The following DPY19L3 variants were observed in gnomAD, a reference collection of about 807,000 sequenced individuals.
DPY19L3 encodes the protein protein C-mannosyl-transferase DPY19L3.
DPY19L3 carries 51 observed loss-of-function variants against 92.3 expected under a neutral mutation model. The observed-to-expected ratio is 0.55, with a 90% CI of 0.44 to 0.70. DPY19L3 has a LOEUF of 0.70. DPY19L3 is among the 30% of genes least tolerant of loss of function. The pLI is 0.00. For synonymous variants in DPY19L3, 309 were observed against 315.2 expected (o/e 0.98, Z 0.21); for missense variants, 706 against 855.9 (o/e 0.82, Z 2.18).
chr19:32,438,498 ATATC>A (rs1216640162), intron 6 of DPY19L3, among the ~76,000 whole-genome samples: 1 of 152,086 alleles, frequency 6.6e-6, no homozygotes, highest in Non-Finnish European at 1.5e-5. Context: ...TGTTTCATAT[ATATC>A]TCTATCTTTT....
chr19:32,439,862 A>G lies in DPY19L3; in HGVS notation c.807A>G (p.Ala269=), dbSNP rs1159520652. 1.9e-6 allele frequency: 3 copies of G among 1,613,880 alleles called. No homozygotes were observed. The highest frequency in any genetic ancestry group is 2.7e-5 in the African/African-American group (2 of 74,932). Residue 269 remains alanine, a synonymous_variant, in exon 8 of 19, where the codon GCA becomes GCG. Coordinates refer to ENST00000392250, the MANE Select transcript of DPY19L3 (RefSeq NM_001172774.2). ...ATCAATTTATGATGCTGATGCAAGCATTAGTGCTGTTCACACTGGACTCCC... is the reference window on the plus strand; with the variant it reads ...ATCAATTTATGATGCTGATGCAAGCGTTAGTGCTGTTCACACTGGACTCCC... The part of the protein sequence containing the change: ...QFNQFMMLMQ[A]LVLFTLDSLD...
intron 8 of DPY19L3, among the ~76,000 whole-genome samples, chr19:32,448,077 A>T (rs1330961277): frequency 1.3e-5 from 2 of 152,164 alleles, no homozygotes; most frequent in Non-Finnish European, 2.9e-5. Flanking sequence ...GTGTAACGAA[A>T]CCGTACTTAT....
At chr19:32,461,102 G>A (rs1470691380) in intron 12 of DPY19L3, among the ~76,000 whole-genome samples, 1 of 152,220 alleles carries the variant, frequency 6.6e-6, no homozygotes, top group Non-Finnish European at 1.5e-5. Flanking sequence ...CTGACCTCAA[G>A]TGATCTGCCT....
intron 16 of DPY19L3, among the ~76,000 whole-genome samples, chr19:32,470,241 C>T (rs79462075): frequency 6.6e-6 from 1 of 152,118 alleles, no homozygotes. Context: ...GTAAATAATT[C>T]CTTCAGTATT....
intron 3 of DPY19L3, among the ~76,000 whole-genome samples, chr19:32,414,484 C>T (rs567038126): frequency 3.3e-5 from 5 of 150,706 alleles, no homozygotes; most frequent in African/African-American, 1.2e-4. Flanking sequence ...TTTCCAGCTA[C>T]TCAGGAGGCT....
chr19:32,435,970 A>G (rs1969124806), intron 4 of DPY19L3, among the ~76,000 whole-genome samples: 1 of 152,264 alleles, frequency 6.6e-6, no homozygotes, highest in African/African-American at 2.4e-5. Flanking sequence ...GGGCAAGAGC[A>G]AGAGCTGGTA....
intron 1 of DPY19L3, chr19:32,406,442 C>G (rs1967952283): frequency 2.6e-5 from 4 of 152,318 alleles, no homozygotes; most frequent in Admixed American, 6.5e-5. Flanking sequence ...TCACTGCAAC[C>G]TCGAACTCTT....
chr19:32,429,889 G>A (rs567921170), intron 3 of DPY19L3, among the ~76,000 whole-genome samples: 1 of 152,282 alleles, frequency 6.6e-6, no homozygotes, highest in East Asian at 1.9e-4. Context: ...GGACATTCTA[G>A]AAACGAGTGA....
chr19:32,482,393 T>C lies in DPY19L3; in HGVS notation c.*153T>C. On this transcript the variant is annotated 3_prime_UTR_variant, in exon 19 of 19. Coordinates refer to ENST00000392250, the MANE Select transcript of DPY19L3 (RefSeq NM_001172774.2). The stretch of plus-strand genomic sequence containing the variant: ...GATGTTTACACAAGTGTTGCCATCT[T>C]TGAAAGCATCTTCTACAAGCAGAAG... The C allele has an allele frequency of 1.2e-6, 1 of 807,962 alleles. No individual in the cohort carries two copies. Among genetic ancestry groups the C allele is most frequent in the South Asian group, 1.9e-5 (1 of 51,420 alleles). The allele number at this position is 807,962 out of a possible 1,614,324, so 50.0% of individuals were successfully genotyped here. A position where few individuals can be genotyped will look rare whatever the true frequency, so the allele number is the denominator to read the frequency against.
At chr19:32,464,845 C>G in intron 15 of DPY19L3, 61 bp downstream of exon 15, 1 of 1,190,272 alleles carries the variant, frequency 8.4e-7, no homozygotes, top group East Asian at 2.7e-5. Flanking sequence ...TGCTTTGATT[C>G]AATATATTTT....
intron 8 of DPY19L3, among the ~76,000 whole-genome samples, chr19:32,445,575 A>T (rs75950681): frequency 1.2e-3 from 179 of 152,294 alleles, no homozygotes; most frequent in African/African-American, 4.2e-3. Flanking sequence ...GTAAGAGAAT[A>T]GCTAAAGGAA....
At chr19:32,434,464 T>C (rs2868085) in intron 4 of DPY19L3, among the ~76,000 whole-genome samples, 134,873 of 152,160 alleles carry the variant, frequency 0.89, 60,044 homozygotes, top group African/African-American at 0.97. Flanking sequence ...CGAGACCAGC[T>C]TGACCAACAT....
chr19:32,446,014 T>C (rs1207179796), intron 8 of DPY19L3, among the ~76,000 whole-genome samples: 1 of 152,010 alleles, frequency 6.6e-6, no homozygotes, highest in Non-Finnish European at 1.5e-5. Context: ...AAAAAAAAAT[T>C]ATATTTGATA....
chr19:32,480,510 C>T lies in DPY19L3; in HGVS notation c.1942C>T (p.Arg648Cys), dbSNP rs755388617. The T allele has an allele frequency of 9.3e-6, 15 of 1,614,024 alleles. No individual in the cohort carries two copies. The highest frequency in any genetic ancestry group is 1.3e-5 in the African/African-American group (1 of 74,948). Residue 648 changes from arginine (R) to cysteine (C), a missense_variant, in exon 18 of 19, where the codon CGC (arginine) becomes TGC (cysteine). Physicochemically the swap from Arg to Cys is radical, Grantham distance 180 (BLOSUM62 -3). Coordinates refer to ENST00000392250, the MANE Select transcript of DPY19L3 (RefSeq NM_001172774.2). ...EDSICYERRH[R>C]RGCRLRDLLD... ...CAGCATCTGCTACGAGCGGAGGCAC[C>T]GCCGGGGCTGCCGACTCCGGGACCT...
chr19:32,456,751 T>TCA (rs2145573918), intron 10 of DPY19L3, among the ~76,000 whole-genome samples: 2 of 152,268 alleles, frequency 1.3e-5, no homozygotes, highest in African/African-American at 4.8e-5. Flanking sequence ...TTTTTTGAGT[T>TCA]GATGAATACC....
At position 32,482,335 on chromosome 19, in the gene DPY19L3, A is replaced by G. The variant is rs936122045; in HGVS notation, c.*95A>G. ...GTTTCCTATGTAAGTAGGTAGCCCA[A>G]ACCTTCAAGCTGTGATATGAGTAAG... On this transcript the variant is annotated 3_prime_UTR_variant, in exon 19 of 19. Coordinates refer to ENST00000392250, the MANE Select transcript of DPY19L3 (RefSeq NM_001172774.2). The G allele has an allele frequency of 1.3e-5, 19 of 1,423,610 alleles. No homozygotes were observed. The African/African-American group carries it at 2.4e-4, about 18-fold the overall frequency. 88.2% of individuals were successfully genotyped at this position (1,423,610 alleles called of 1,614,324 possible).
chr19:32,461,462 C>G (rs940759259), intron 12 of DPY19L3, among the ~76,000 whole-genome samples: 1 of 152,132 alleles, frequency 6.6e-6, no homozygotes, highest in African/African-American at 2.4e-5. Context: ...CAGATACTCC[C>G]CTTGTCTGTT....
chr19:32,422,629 A>AACACACACACACACACACACAC (rs66481682), intron 3 of DPY19L3, among the ~76,000 whole-genome samples: 30 of 146,720 alleles, frequency 2.0e-4, no homozygotes, highest in Admixed American at 3.4e-4. Context: ...AATCAGGAAA[A>AACACACACACACACACACACAC]ACACACACAC....
chr19:32,480,299 T>G, intron 17 of DPY19L3, 100 bp from the exon 18 acceptor site: 1 of 1,336,962 alleles, frequency 7.5e-7, no homozygotes, highest in Non-Finnish European at 1.0e-6. Context: ...ACCTTGGGTG[T>G]TAGGTCTTAG....
Sources: allele counts gnomAD v4.1 joint callset (sites outside exome capture counted in the v4.1 genomes callset), GRCh38; gene constraint gnomAD v4.1.1; transcripts MANE v1.5; gene names NCBI Gene and HGNC (gene_info 2026-07-23, HGNC 2026-07-21).